LRRC63: variants seen among roughly 807,000 people sequenced by gnomAD.
The protein encoded by LRRC63 is leucine-rich repeat-containing protein 63.
A neutral mutation model predicts 49.5 loss-of-function variants in LRRC63; 40 were observed. The observed-to-expected ratio is 0.81, with a 90% CI of 0.63 to 1.05. The LOEUF (loss-of-function observed/expected upper bound fraction) is 1.05, where lower values mean the gene tolerates loss of function less well. Ranked by LOEUF, LRRC63 falls within the 50% of genes least tolerant of loss-of-function variation. The pLI is 0.00. For missense variants in LRRC63, 636 were observed against 663.1 expected (o/e 0.96, Z 0.45); for synonymous variants, 191 against 221.1 (o/e 0.86, Z 1.21).
intron 9 of LRRC63, among the ~76,000 whole-genome samples, chr13:46,274,444 A>C (rs1411756845): frequency 6.6e-6 from 1 of 152,222 alleles, no homozygotes; most frequent in East Asian, 1.9e-4. Flanking sequence ...ATTGCAGCTC[A>C]GCTGTAGGCT....
chr13:46,245,191 A>G (rs73188814), intron 5 of LRRC63, among the ~76,000 whole-genome samples: 2 of 152,334 alleles, frequency 1.3e-5, no homozygotes, highest in African/African-American at 2.4e-5. Flanking sequence ...GAATGCCTCA[A>G]AATTCATAAA....
intron 2 of LRRC63, among the ~76,000 whole-genome samples, chr13:46,223,917 C>G (rs754151217): frequency 1.4e-4 from 22 of 152,134 alleles, no homozygotes; most frequent in Non-Finnish European, 2.6e-4. Context: ...TCCAAATCCA[C>G]TGTTAGTCTG....
intron 2 of LRRC63, among the ~76,000 whole-genome samples, chr13:46,224,828 C>A (rs770902725): frequency 1.3e-5 from 2 of 152,090 alleles, no homozygotes; most frequent in Non-Finnish European, 2.9e-5. Context: ...ATTTCTTTGG[C>A]TATAAATAGC....
At chr13:46,270,221 A>T in intron 9 of LRRC63, 1 of 865,318 alleles carries the variant, frequency 1.2e-6, no homozygotes, top group East Asian at 2.4e-5. Flanking sequence ...ATGTGTCATC[A>T]CATTGGCAGA....
chr13:46,234,083 T>C, intron 4 of LRRC63, 109 bp from the exon 5 acceptor site: 1 of 1,042,928 alleles, frequency 9.6e-7, no homozygotes, highest in Non-Finnish European at 1.4e-6. Flanking sequence ...ATGTGTACAC[T>C]TAAGTCCTTA....
chr13:46,232,846 A>G (rs947721648), intron 4 of LRRC63, among the ~76,000 whole-genome samples: 2 of 152,228 alleles, frequency 1.3e-5, no homozygotes, highest in East Asian at 1.9e-4. Context: ...AAAAGTAACT[A>G]TGATTACTAT....
At chr13:46,276,488 A>G (rs1000090483) in intron 9 of LRRC63, 102 bp from the exon 10 acceptor site, 30 of 505,964 alleles carry the variant, frequency 5.9e-5, no homozygotes, top group African/African-American at 4.0e-4. Context: ...GGTAAGCTCA[A>G]TGAAGGTAAG....
intron 2 of LRRC63, among the ~76,000 whole-genome samples, chr13:46,213,604 C>T: frequency 6.6e-6 from 1 of 152,172 alleles, no homozygotes; most frequent in East Asian, 1.9e-4. Flanking sequence ...TTCCTGAGCA[C>T]AAGAAGGCTG....
At chr13:46,227,962 A>T in exon 3 of LRRC63, 1 of 1,550,844 alleles carries the variant, frequency 6.4e-7, no homozygotes, top group Non-Finnish European at 8.7e-7. Context: ...CCTAAGCATC[A>T]ACCTTTACCA....
rs550122649 is a variant in LRRC63 at position 46,215,385 on chromosome 13, A to G, written c.85+2266A>G. ...TTAGTGATGTTAAGCTTTTTTTCATATGTTTGTTGGCTATGTAAATGTCTT... is the reference window on the plus strand; with the variant it reads ...TTAGTGATGTTAAGCTTTTTTTCATGTGTTTGTTGGCTATGTAAATGTCTT... On this transcript the variant is annotated intron_variant, in intron 2 of 9. Transcript: ENST00000595396. Among the ~76,000 whole-genome samples, 62 of 151,934 alleles carry G rather than the reference A, an allele frequency of 4.1e-4. 1 individual carries two copies. In the South Asian group the frequency reaches 0.013, roughly 31 times the overall value.
At chr13:46,218,960 CAG>C (rs1331519068) in intron 2 of LRRC63, among the ~76,000 whole-genome samples, 1 of 152,192 alleles carries the variant, frequency 6.6e-6, no homozygotes, top group Non-Finnish European at 1.5e-5. Context: ...AGCGTTTCTG[CAG>C]AGAGATCCGC....
intron 7 of LRRC63, among the ~76,000 whole-genome samples, chr13:46,259,718 A>G (rs898671496): frequency 1.3e-5 from 2 of 152,206 alleles, no homozygotes; most frequent in African/African-American, 4.8e-5. Context: ...ACCAAATTGG[A>G]TACATTGCTT....
chr13:46,257,281 A>T (rs2047527937), intron 7 of LRRC63, among the ~76,000 whole-genome samples: 2 of 152,216 alleles, frequency 1.3e-5, no homozygotes, highest in Non-Finnish European at 2.9e-5. Context: ...TGAGTAAGAA[A>T]ACAGATTCTC....
intron 9 of LRRC63, chr13:46,270,402 A>G (rs753118325): frequency 2.8e-5 from 23 of 821,824 alleles, no homozygotes; most frequent in Non-Finnish European, 3.7e-5. Flanking sequence ...GGCGAAGAAT[A>G]TACTGTATCT....
chr13:46,274,412 C>T (rs1594104486), intron 9 of LRRC63, among the ~76,000 whole-genome samples: 1 of 152,184 alleles, frequency 6.6e-6, no homozygotes, highest in East Asian at 1.9e-4. Context: ...CGGTACTGTC[C>T]TACTTTCGCT....
chr13:46,256,956 T>G (rs2047521723), intron 7 of LRRC63, among the ~76,000 whole-genome samples: 1 of 152,156 alleles, frequency 6.6e-6, no homozygotes, highest in Non-Finnish European at 1.5e-5. Context: ...AAAGGGAAAT[T>G]AAGTTTGGAG....
intron 7 of LRRC63, among the ~76,000 whole-genome samples, chr13:46,256,140 T>C (rs556450590): frequency 6.6e-6 from 1 of 152,298 alleles, no homozygotes; most frequent in South Asian, 2.1e-4. Flanking sequence ...TGTGGACAAG[T>C]CTTTTGTCTT....
chr13:46,262,644 C>CT, intron 8 of LRRC63, among the ~76,000 whole-genome samples: 2 of 152,030 alleles, frequency 1.3e-5, no homozygotes. Context: ...TACTCTAAAA[C>CT]TTTTTTTTCA....
chr13:46,275,069 C>T (rs1231996934), intron 9 of LRRC63, among the ~76,000 whole-genome samples: 1 of 152,126 alleles, frequency 6.6e-6, no homozygotes, highest in East Asian at 1.9e-4. Context: ...TTAGTTTCCA[C>T]ATGAGTGCCG....
Sources: allele counts gnomAD v4.1 joint callset (sites outside exome capture counted in the v4.1 genomes callset), GRCh38; gene constraint gnomAD v4.1.1; transcripts MANE v1.5; gene names NCBI Gene and HGNC (gene_info 2026-07-23, HGNC 2026-07-21).